The following SLC26A7 variants were observed in gnomAD, a reference collection of about 807,000 sequenced individuals.
SLC26A7 encodes the protein anion exchange transporter.
A neutral mutation model predicts 82.5 loss-of-function variants in SLC26A7; 59 were observed. The ratio of observed to expected loss-of-function variants is 0.72; its 90% confidence interval spans 0.58 to 0.89. The LOEUF is 0.89. SLC26A7 is among the 40% of genes least tolerant of loss of function. The pLI, the probability that SLC26A7 is intolerant of heterozygous loss-of-function variation, is 0.00. For synonymous variants in SLC26A7, 271 were observed against 274.3 expected, an observed-to-expected ratio of 0.99 and a Z score of 0.12; for missense variants, 820 against 793.0, an observed-to-expected ratio of 1.03 and a Z score of -0.41.
intron 5 of SLC26A7, among the ~76,000 whole-genome samples, chr8:91,323,333 T>C (rs552615613): frequency 2.6e-5 from 4 of 152,326 alleles, no homozygotes; most frequent in African/African-American, 7.2e-5. Context: ...TTGTAGCCAA[T>C]GTTACTTTAG....
intron 5 of SLC26A7, among the ~76,000 whole-genome samples, chr8:91,327,354 A>G (rs1163584190): frequency 6.6e-6 from 1 of 152,216 alleles, no homozygotes; most frequent in African/African-American, 2.4e-5. Flanking sequence ...TTCTGATAGA[A>G]GTACCATCTA....
At chr8:91,390,150 G>T (rs190096575) in intron 16 of SLC26A7, among the ~76,000 whole-genome samples, 39 of 138,686 alleles carry the variant, frequency 2.8e-4, no homozygotes, top group African/African-American at 1.1e-3. Context: ...TCGCTCTATC[G>T]CCCAGGCTGG....
intron 2 of SLC26A7, among the ~76,000 whole-genome samples, chr8:91,219,687 C>T (rs1374372765): frequency 1.3e-5 from 2 of 152,156 alleles, no homozygotes; most frequent in African/African-American, 4.8e-5. Flanking sequence ...TTGTGTTCTA[C>T]TCAGCACCAT....
chr8:91,287,878 C>T (rs1487856703), intron 2 of SLC26A7, among the ~76,000 whole-genome samples: 2 of 152,134 alleles, frequency 1.3e-5, no homozygotes, highest in Non-Finnish European at 2.9e-5. Context: ...CTACCTCTCA[C>T]CATGCCTTTA....
upstream of SLC26A7, among the ~76,000 whole-genome samples, chr8:91,248,659 A>C (rs961204677): frequency 1.3e-5 from 2 of 152,082 alleles, no homozygotes; most frequent in African/African-American, 4.8e-5. Flanking sequence ...GAGAACACCT[A>C]CCCCCAAAAG....
intron 4 of SLC26A7, among the ~76,000 whole-genome samples, chr8:91,300,546 C>T (rs1186656759): frequency 1.3e-5 from 2 of 151,902 alleles, no homozygotes; most frequent in African/African-American, 2.4e-5. Context: ...TACAGGCGCC[C>T]GCCACTACGC....
At chr8:91,346,844 T>G (rs1813577056) in intron 9 of SLC26A7, among the ~76,000 whole-genome samples, 1 of 152,148 alleles carries the variant, frequency 6.6e-6, no homozygotes, top group African/African-American at 2.4e-5. Context: ...TGGGTTCCAG[T>G]GTCTGTTCCC....
chr8:91,254,085 G>T (rs1397773529), intron 2 of SLC26A7, among the ~76,000 whole-genome samples: 7 of 151,972 alleles, frequency 4.6e-5, no homozygotes, highest in Admixed American at 3.9e-4. Context: ...CAAATTTGCA[G>T]GCCTCCTGAC....
Position 91,362,411 on chromosome 8 carries a change from T to A in SLC26A7, c.1373T>A (p.Leu458Gln), listed in dbSNP as rs748354443. 1 of 1,613,424 alleles carries A rather than the reference T, an allele frequency of 6.2e-7. No individual in the cohort carries two copies. The highest frequency in any genetic ancestry group is 1.1e-5 in the South Asian group (1 of 91,032). Residue 458 changes from leucine (L) to glutamine (Q), a missense_variant, in exon 12 of 19, where the codon CTG becomes CAG. Leu to Gln is a moderately radical substitution (Grantham distance 113). Coordinates refer to ENST00000276609, the MANE Select transcript of SLC26A7 (RefSeq NM_052832.4). ...TGCTTTGCTGCCAATGTGGGACTGC[T>A]GTTTGGTGTTGTTTGTACCATAGCT... ...TICFAANVGL[L>Q]FGVVCTIAIV...
chr8:91,236,678 T>C (rs1810397479), intron 2 of SLC26A7, among the ~76,000 whole-genome samples: 1 of 152,140 alleles, frequency 6.6e-6, no homozygotes, highest in Admixed American at 6.5e-5. Flanking sequence ...GAGCCATTAA[T>C]ATTGTTAAAG....
In SLC26A7 at chr8:91,350,424, C is replaced by T. The variant is rs908019874; in HGVS notation, c.1141-1386C>T. Among the ~76,000 whole-genome samples the T allele has an allele frequency of 8.4e-5, 12 of 142,886 alleles. No individual in the cohort carries two copies. The East Asian group carries it at 1.6e-3, about 19-fold the overall frequency. 93.7% of individuals were successfully genotyped at this position (142,886 alleles called of 152,430 possible). Reference sequence around the variant, plus strand: ...GTAAAATTTATTCTTTTAAGGTATACGGTTCACTTTTTTTGAAAAAAAAAT... The same window carrying T: ...GTAAAATTTATTCTTTTAAGGTATATGGTTCACTTTTTTTGAAAAAAAAAT... On this transcript the variant is annotated intron_variant, in intron 9 of 18. Coordinates refer to ENST00000276609, the MANE Select transcript of SLC26A7 (RefSeq NM_052832.4).
chr8:91,216,207 T>C (rs1810043848), intron 1 of SLC26A7, among the ~76,000 whole-genome samples: 1 of 152,160 alleles, frequency 6.6e-6, no homozygotes, highest in Non-Finnish European at 1.5e-5. Context: ...AATATTCATT[T>C]TATTATAATT....
chr8:91,254,129 A>G (rs572415869), intron 2 of SLC26A7, among the ~76,000 whole-genome samples: 4 of 152,152 alleles, frequency 2.6e-5, no homozygotes, highest in African/African-American at 9.6e-5. Context: ...CTTTGTCCCA[A>G]TGTTAATTTT....
Position 91,234,823 on chromosome 8 carries a change from ACCTACTTCCTTC to A in SLC26A7, c.-33-14794_-33-14783del, listed in dbSNP as rs1346803667. On this transcript the variant is annotated intron_variant, in intron 2 of 5. Coordinates refer to the SLC26A7 transcript ENST00000522862. ...TACCTACCTACCTACCTACCTACCTACCTACTTCCTTCCTTCCTTCCTTCCTTCCTTCCTTCC... is the reference window on the plus strand; with the variant it reads ...TACCTACCTACCTACCTACCTACCTACTTCCTTCCTTCCTTCCTTCCTTCC... Among the ~76,000 whole-genome samples the A allele has an allele frequency of 5.0e-3, 373 of 74,316 alleles. 1 individual carries two copies. The highest frequency in any genetic ancestry group is 0.02 in the African/African-American group (290 of 14,450). 48.8% of individuals were successfully genotyped at this position (74,316 alleles called of 152,430 possible).
At chr8:91,292,305 CAAAA>C (rs758275709) in intron 3 of SLC26A7, among the ~76,000 whole-genome samples, 9 of 73,012 alleles carry the variant, frequency 1.2e-4, no homozygotes, top group Admixed American at 6.3e-4. Flanking sequence ...GACTCTGTCT[CAAAA>C]AAAAAAAAAA....
At chr8:91,218,645 GAT>G (rs1810102294) in intron 1 of SLC26A7, among the ~76,000 whole-genome samples, 1 of 152,204 alleles carries the variant, frequency 6.6e-6, no homozygotes, top group South Asian at 2.1e-4. Flanking sequence ...ACTACATAAT[GAT>G]ATGTTTGAAT....
At chr8:91,343,291 C>A in intron 8 of SLC26A7, 62 bp from the exon 9 acceptor site, 1 of 1,038,296 alleles carries the variant, frequency 9.6e-7, no homozygotes, top group Non-Finnish European at 1.4e-6. Flanking sequence ...ACAAATTGTA[C>A]CTGTGGTCTC....
At chr8:91,299,302 T>G (rs1245373310) in intron 4 of SLC26A7, among the ~76,000 whole-genome samples, 1 of 152,156 alleles carries the variant, frequency 6.6e-6, no homozygotes, top group Admixed American at 6.5e-5. Context: ...AAAAATTGTG[T>G]TGTCAAATTT....
rs1309287169 is a variant in SLC26A7 at position 91,314,002 on chromosome 8, G to A, written c.478-4214G>A. Reference sequence around the variant, plus strand: ...TGTGGAACATATGGTGTTTATAGAAGCATTATCAAATAGTATCATGCTAGT... The same window carrying A: ...TGTGGAACATATGGTGTTTATAGAAACATTATCAAATAGTATCATGCTAGT... On this transcript the variant is annotated intron_variant, in intron 4 of 18. Coordinates refer to ENST00000276609, the MANE Select transcript of SLC26A7 (RefSeq NM_052832.4). 5.9e-5 allele frequency among the ~76,000 whole-genome samples: 9 copies of A among 152,292 alleles called. No individual in the cohort carries two copies. In the East Asian group the frequency reaches 7.7e-4, roughly 13 times the overall value.
Sources: allele counts gnomAD v4.1 joint callset (sites outside exome capture counted in the v4.1 genomes callset), GRCh38; gene constraint gnomAD v4.1.1; transcripts MANE v1.5; gene names NCBI Gene and HGNC (gene_info 2026-07-23, HGNC 2026-07-21).